The following CNGB3 variants were observed in gnomAD, a reference collection of about 807,000 sequenced individuals.
The protein encoded by CNGB3 is cyclic nucleotide-gated channel beta-3.
Under a neutral mutation model 92.8 loss-of-function variants are expected in CNGB3, and 86 were observed. The observed-to-expected ratio is 0.93, with a 90% CI of 0.78 to 1.11. The LOEUF (loss-of-function observed/expected upper bound fraction) is 1.11, where lower values mean the gene tolerates loss of function less well. CNGB3 is among the 50% of genes least tolerant of loss of function. The pLI, the probability that CNGB3 is intolerant of heterozygous loss-of-function variation, is 0.00. For missense variants in CNGB3, 1,026 were observed against 956.8 expected, an observed-to-expected ratio of 1.07 and a Z score of -0.95; for synonymous variants, 333 against 332.7, an observed-to-expected ratio of 1.00 and a Z score of -0.01.
chr8:86,618,746 C>A (rs1822666492), intron 13 of CNGB3, among the ~76,000 whole-genome samples: 1 of 152,202 alleles, frequency 6.6e-6, no homozygotes, highest in South Asian at 2.1e-4. Flanking sequence ...AGAAATGAAA[C>A]ACAAGTCTCA....
intron 14 of CNGB3, among the ~76,000 whole-genome samples, chr8:86,609,896 T>C (rs1324946912): frequency 6.6e-6 from 1 of 152,192 alleles, no homozygotes; most frequent in Non-Finnish European, 1.5e-5. Flanking sequence ...AGGTCACTCC[T>C]GACAACCTAA....
At chr8:86,707,042 A>G (rs566556340) in intron 3 of CNGB3, among the ~76,000 whole-genome samples, 2 of 152,326 alleles carry the variant, frequency 1.3e-5, no homozygotes, top group South Asian at 4.1e-4. Flanking sequence ...AGAGATATTA[A>G]CTTGATGATA....
intron 3 of CNGB3, among the ~76,000 whole-genome samples, chr8:86,686,913 G>C (rs1037777937): frequency 1.3e-5 from 2 of 151,982 alleles, no homozygotes; most frequent in Non-Finnish European, 2.9e-5. Flanking sequence ...TAATTTTTAT[G>C]TCTCTTTTAA....
intron 3 of CNGB3, among the ~76,000 whole-genome samples, chr8:86,723,418 T>A (rs1334077159): frequency 6.6e-6 from 1 of 152,148 alleles, no homozygotes; most frequent in African/African-American, 2.4e-5. Context: ...TTGCCCAAGG[T>A]TGAAGATGCT....
intron 12 of CNGB3, among the ~76,000 whole-genome samples, chr8:86,626,843 T>A (rs558788520): frequency 1.6e-4 from 24 of 152,288 alleles, no homozygotes; most frequent in South Asian, 4.1e-4. Context: ...ATTCTTTTTT[T>A]TTTCTTTTTT....
At chr8:86,674,919 A>C (rs141981104) in intron 3 of CNGB3, among the ~76,000 whole-genome samples, 8 of 149,092 alleles carry the variant, frequency 5.4e-5, no homozygotes, top group Admixed American at 4.0e-4. Context: ...ACACCTGTCT[A>C]ATATTTCTTT....
chr8:86,672,213 C>T (rs143943912), intron 3 of CNGB3, among the ~76,000 whole-genome samples: 11 of 152,126 alleles, frequency 7.2e-5, no homozygotes, highest in East Asian at 3.9e-4. Flanking sequence ...ATTCTCATGC[C>T]GCAGCCTCCC....
chr8:86,714,465 A>G (rs1397125847), intron 3 of CNGB3, among the ~76,000 whole-genome samples: 2 of 152,196 alleles, frequency 1.3e-5, no homozygotes, highest in African/African-American at 4.8e-5. Flanking sequence ...TATTGCTAGA[A>G]ATATGTTAGC....
chr8:86,684,537 A>G (rs942228929), intron 3 of CNGB3, among the ~76,000 whole-genome samples: 10 of 152,092 alleles, frequency 6.6e-5, no homozygotes, highest in African/African-American at 2.4e-4. Flanking sequence ...TTTCACAAAA[A>G]CTTGTGCACA....
At chr8:86,609,018 C>G (rs7015151) in intron 14 of CNGB3, among the ~76,000 whole-genome samples, 99,151 of 152,092 alleles carry the variant, frequency 0.65, 34,850 homozygotes, top group Middle Eastern at 0.79. Flanking sequence ...GCCCACCGAC[C>G]CTGTGGGGCT....
intron 15 of CNGB3, among the ~76,000 whole-genome samples, chr8:86,580,598 G>A (rs1004239907): frequency 6.6e-6 from 1 of 152,122 alleles, no homozygotes; most frequent in African/African-American, 2.4e-5. Flanking sequence ...AGGGAATTGT[G>A]GGCTTTATGT....
At chr8:86,683,555 AG>A (rs1824123298) in intron 3 of CNGB3, among the ~76,000 whole-genome samples, 1 of 152,192 alleles carries the variant, frequency 6.6e-6, no homozygotes, top group Non-Finnish European at 1.5e-5. Context: ...AGATGCAAAC[AG>A]ATGGTAATAA....
At chr8:86,667,604 G>A (rs1563747579) in intron 5 of CNGB3, among the ~76,000 whole-genome samples, 1 of 152,198 alleles carries the variant, frequency 6.6e-6, no homozygotes, top group Non-Finnish European at 1.5e-5. Context: ...GCCCATTAAA[G>A]TAGTCCATGT....
intron 3 of CNGB3, among the ~76,000 whole-genome samples, chr8:86,695,526 TACG>T (rs1824433409): frequency 6.6e-6 from 1 of 152,178 alleles, no homozygotes; most frequent in African/African-American, 2.4e-5. Flanking sequence ...GTCTTTTCTT[TACG>T]ATATCTATCT....
chr8:86,648,949 T>C (rs1823345281), intron 7 of CNGB3, among the ~76,000 whole-genome samples: 1 of 151,360 alleles, frequency 6.6e-6, no homozygotes, highest in South Asian at 2.1e-4. Context: ...ACAAATTCAA[T>C]AAAGTCTCAG....
chr8:86,615,321 T>C (rs1822597143), intron 13 of CNGB3, among the ~76,000 whole-genome samples: 1 of 152,060 alleles, frequency 6.6e-6, no homozygotes, highest in South Asian at 2.1e-4. Flanking sequence ...AAACTACAGA[T>C]CGGCCGGGTG....
At chr8:86,718,970 T>C (rs140560954) in intron 3 of CNGB3, among the ~76,000 whole-genome samples, 184 of 152,114 alleles carry the variant, frequency 1.2e-3, no homozygotes, top group Middle Eastern at 6.8e-3. Flanking sequence ...AAATCCACAA[T>C]TGCTTTATGA....
At chr8:86,693,957 T>C (rs932924191) in intron 3 of CNGB3, among the ~76,000 whole-genome samples, 1 of 145,256 alleles carries the variant, frequency 6.9e-6, no homozygotes, top group African/African-American at 2.5e-5. Flanking sequence ...CAATGAGCCA[T>C]TGGGTACACC....
intron 3 of CNGB3, among the ~76,000 whole-genome samples, chr8:86,711,104 A>G (rs536049687): frequency 2.6e-5 from 4 of 152,290 alleles, no homozygotes; most frequent in Non-Finnish European, 4.4e-5. Context: ...AATAAAGAAG[A>G]TGATATGGTA....
Sources: gnomAD v4.1 joint callset for allele counts (sites outside exome capture counted in the v4.1 genomes callset) on GRCh38, gnomAD v4.1.1 for gene constraint, MANE v1.5 for transcripts, NCBI Gene and HGNC (gene_info 2026-07-23, HGNC 2026-07-21) for gene names.